The following VAMP7 variants were observed in gnomAD, a reference collection of about 807,000 sequenced individuals.
The protein encoded by VAMP7 is vesicle-associated membrane protein 7.
VAMP7 carries 14 observed loss-of-function variants against 29.6 expected under a neutral mutation model. That is an observed-to-expected ratio of 0.47 (90% CI 0.31 to 0.74). The LOEUF is 0.74. VAMP7 is among the 30% of genes least tolerant of loss of function. The probability of loss-of-function intolerance (pLI) is 0.05; values close to 1 mark genes in which losing one functional copy is unlikely to be tolerated. For synonymous variants in VAMP7, 95 were observed against 88.1 expected, an observed-to-expected ratio of 1.08 and a Z score of -0.44; for missense variants, 223 against 262.4, an observed-to-expected ratio of 0.85 and a Z score of 1.04.
chrX:155,884,838 G>C (rs1468987257), intron 1 of VAMP7, among the ~76,000 whole-genome samples: 1 of 152,186 alleles, frequency 6.6e-6, no homozygotes, highest in Non-Finnish European at 1.5e-5. Context: ...ACTGTCTTCA[G>C]CCTCTACTTG....
intron 5 of VAMP7, among the ~76,000 whole-genome samples, chrX:155,918,556 G>T (rs1415525921): frequency 6.6e-6 from 1 of 152,114 alleles, no homozygotes; most frequent in African/African-American, 2.4e-5. Context: ...CCTTGGTTAG[G>T]GGAGGGAGTT....
At chrX:155,917,457 G>A (rs1413914439) in intron 5 of VAMP7, among the ~76,000 whole-genome samples, 1 of 152,088 alleles carries the variant, frequency 6.6e-6, no homozygotes, top group Non-Finnish European at 1.5e-5. Context: ...ATCTACCTTT[G>A]GTCTTTGATG....
chrX:155,889,497 G>T lies in VAMP7; in HGVS notation c.31G>T (p.Gly11Trp). The part of the protein sequence containing the change: MAILFAVVAR[G>W]TTILAKHAWC... The stretch of plus-strand genomic sequence containing the variant: ...GATTCTTTTTGCTGTTGTTGCCAGG[G>T]GGACCACTATCCTTGCCAAACATGC... Residue 11 changes from glycine (G) to tryptophan (W), a missense_variant, in exon 2 of 8, where the codon GGG becomes TGG. Gly to Trp is a radical substitution (Grantham distance 184, BLOSUM62 -2). Transcript: ENST00000286448. 1.7e-5 allele frequency: 28 copies of T among 1,613,718 alleles called. No individual in the cohort carries two copies. Among genetic ancestry groups the T allele is most frequent in the Non-Finnish European group, 2.4e-5 (28 of 1,179,756 alleles).
At position 155,881,880 on chromosome X, in the gene VAMP7, C is replaced by T. The variant is rs773008234; in HGVS notation, c.-10+432C>T. 2.0e-5 allele frequency among the ~76,000 whole-genome samples: 3 copies of T among 152,252 alleles called. No homozygotes were observed. In the East Asian group the frequency reaches 5.8e-4, roughly 29 times the overall value. ...GTTCCTAGCCCCTTATTCGCCCTTC[C>T]TCCACTGCTCAGTATTGACAGTCCC... On this transcript the variant is annotated intron_variant, in intron 1 of 7. Coordinates refer to ENST00000286448, the MANE Select transcript of VAMP7 (RefSeq NM_005638.6).
rs1312322982 is a variant in VAMP7, at chrX:155,881,449, G to C, written c.-10+1G>C. 1.2e-5 allele frequency: 1 copy of C among 81,764 alleles called. No individual in the cohort carries two copies. The highest frequency in any genetic ancestry group is 5.5e-4 in the South Asian group (1 of 1,802). 5.1% of individuals were successfully genotyped at this position (81,764 alleles called of 1,614,324 possible). A position where few individuals can be genotyped will look rare whatever the true frequency, so the allele number is the denominator to read the frequency against. ...GCGCCCTCAGAGGGTGCCCGGACAG[G>C]TAAATGGAGTGGGGTGCGCCTGCGG... On this transcript the variant is annotated splice_donor_variant, in intron 1 of 7. Coordinates refer to ENST00000286448, the MANE Select transcript of VAMP7 (RefSeq NM_005638.6). LOFTEE classifies it low-confidence loss of function (5UTR_SPLICE).
At chrX:155,930,841 C>G (rs768019157) in intron 6 of VAMP7, among the ~76,000 whole-genome samples, 32 of 152,052 alleles carry the variant, frequency 2.1e-4, no homozygotes, top group African/African-American at 7.7e-4. Flanking sequence ...GGTATATCTC[C>G]AAATGCTATC....
intron 2 of VAMP7, among the ~76,000 whole-genome samples, chrX:155,894,688 T>C (rs959995108): frequency 1.3e-5 from 2 of 152,066 alleles, no homozygotes; most frequent in African/African-American, 4.8e-5. Flanking sequence ...CAATCTCAGC[T>C]TACTACAGCC....
At chrX:155,903,557 A>G (rs770009711) in intron 5 of VAMP7, among the ~76,000 whole-genome samples, 3,525 of 152,108 alleles carry the variant, frequency 0.023, 133 homozygotes, top group African/African-American at 0.081. Flanking sequence ...ACATGAACAG[A>G]CACTTCTCAA....
chrX:155,928,205 G>A (rs1406123001), intron 6 of VAMP7, among the ~76,000 whole-genome samples: 1 of 152,164 alleles, frequency 6.6e-6, no homozygotes, highest in Non-Finnish European at 1.5e-5. Flanking sequence ...ATACAGGCAT[G>A]AGCCACCACA....
At chrX:155,911,727 C>T (rs1016351355) in intron 5 of VAMP7, among the ~76,000 whole-genome samples, 2 of 151,912 alleles carry the variant, frequency 1.3e-5, no homozygotes, top group Non-Finnish European at 2.9e-5. Flanking sequence ...AATGGGATTA[C>T]CTTCTTGATT....
chrX:155,902,259 G>A lies in VAMP7; in HGVS notation c.433+1672G>A, dbSNP rs1435362547. On this transcript the variant is annotated intron_variant, in intron 5 of 7. Coordinates refer to ENST00000286448, the MANE Select transcript of VAMP7 (RefSeq NM_005638.6). ...GCTGAAGTTGCTTATCAGCTTAAGGGGATTTTGGGCTGAGACAATGGGGTT... is the reference window on the plus strand; with the variant it reads ...GCTGAAGTTGCTTATCAGCTTAAGGAGATTTTGGGCTGAGACAATGGGGTT... Among the ~76,000 whole-genome samples, 223 of 151,856 alleles carry A rather than the reference G, an allele frequency of 1.5e-3. 2 individuals are homozygous for A. Among genetic ancestry groups the A allele is most frequent in the African/African-American group, 5.2e-3 (214 of 41,412 alleles).
At position 155,943,372 on chromosome X, in the gene VAMP7, T is replaced by A. The variant is rs1157290015; in HGVS notation, c.*1421T>A. ...CTGTTCTTCTATCCAAACCTTTCAA[T>A]TCATGCTACCTGATTCATTTATTTG... On this transcript the variant is annotated 3_prime_UTR_variant, in exon 8 of 8. Coordinates refer to ENST00000286448, the MANE Select transcript of VAMP7 (RefSeq NM_005638.6). 1 of 152,472 alleles carries A rather than the reference T, an allele frequency of 6.6e-6. No individual in the cohort carries two copies. The highest frequency in any genetic ancestry group is 1.9e-4 in the East Asian group (1 of 5,172). The allele number at this position is 152,472 out of a possible 1,614,324, so 9.4% of individuals were successfully genotyped here.
chrX:155,904,288 G>A (rs2066115575), intron 5 of VAMP7, among the ~76,000 whole-genome samples: 1 of 151,400 alleles, frequency 6.6e-6, no homozygotes, highest in Non-Finnish European at 1.5e-5. Flanking sequence ...ACACCAGCAT[G>A]GCACATGTAT....
intron 1 of VAMP7, among the ~76,000 whole-genome samples, chrX:155,887,298 A>G (rs1044496812): frequency 3.2e-4 from 48 of 151,966 alleles, no homozygotes; most frequent in Non-Finnish European, 6.6e-4. Context: ...GATCTAACTG[A>G]GCTCATCTGG....
chrX:155,907,533 T>C (rs1338585419), intron 5 of VAMP7, among the ~76,000 whole-genome samples: 5 of 151,282 alleles, frequency 3.3e-5, no homozygotes, highest in African/African-American at 1.2e-4. Flanking sequence ...GCACCGCCCT[T>C]AATCCATTTA....
chrX:155,928,289 C>T (rs746166246), intron 6 of VAMP7, among the ~76,000 whole-genome samples: 3 of 152,244 alleles, frequency 2.0e-5, no homozygotes, highest in South Asian at 4.2e-4. Flanking sequence ...TGGTTATTAG[C>T]TTTCTGTGGC....
At position 155,887,059 on chromosome X, in the gene VAMP7, G is replaced by C. The variant is rs139950315; in HGVS notation, c.-9-2399G>C. On this transcript the variant is annotated intron_variant, in intron 1 of 7. Coordinates refer to ENST00000286448, the MANE Select transcript of VAMP7 (RefSeq NM_005638.6). ...ACCCTAAGCAATGACCTCCTTCCTTGTTATAAAATTTCACTGATTGTTTTA... is the reference window on the plus strand; with the variant it reads ...ACCCTAAGCAATGACCTCCTTCCTTCTTATAAAATTTCACTGATTGTTTTA... Among the ~76,000 whole-genome samples, 1,034 of 152,152 alleles carry C rather than the reference G, an allele frequency of 6.8e-3. 4 individuals carry two copies. Among genetic ancestry groups the C allele is most frequent in the Middle Eastern group, 0.014 (4 of 294 alleles).
chrX:155,887,570 T>C (rs2065879278), intron 1 of VAMP7, among the ~76,000 whole-genome samples: 1 of 151,910 alleles, frequency 6.6e-6, no homozygotes, highest in Non-Finnish European at 1.5e-5. Flanking sequence ...AAAAGCTGGA[T>C]TATAGTAAGT....
chrX:155,916,787 C>A (rs1039981176), intron 5 of VAMP7, among the ~76,000 whole-genome samples: 3 of 152,174 alleles, frequency 2.0e-5, no homozygotes, highest in Non-Finnish European at 4.4e-5. Flanking sequence ...CTGCCCTTAA[C>A]ATTTTTTCCT....
Sources: gnomAD v4.1 joint callset for allele counts (sites outside exome capture counted in the v4.1 genomes callset) on GRCh38, gnomAD v4.1.1 for gene constraint, MANE v1.5 for transcripts, NCBI Gene and HGNC (gene_info 2026-07-23, HGNC 2026-07-21) for gene names.